The following PHF24 variants were observed in gnomAD, a reference collection of about 807,000 sequenced individuals.
PHF24 encodes Galpha inhibitory interacting protein.
Under a neutral mutation model 42.6 loss-of-function variants are expected in PHF24, and 25 were observed. The ratio of observed to expected loss-of-function variants is 0.59; its 90% CI spans 0.43 to 0.82. PHF24 has a LOEUF of 0.82. Among genes scored for constraint, PHF24 ranks in the 40% least tolerant of loss-of-function variants. PHF24 has a pLI of 0.00. For missense variants in PHF24, 470 were observed against 538.1 expected, an observed-to-expected ratio of 0.87 and a Z score of 1.25; for synonymous variants, 185 against 204.8, an observed-to-expected ratio of 0.90 and a Z score of 0.83.
chr9:34,876,459 A>G, the PHF24 span, among the ~76,000 whole-genome samples: 1 of 152,172 alleles, frequency 6.6e-6, no homozygotes, highest in Non-Finnish European at 1.5e-5. Flanking sequence ...AACTATGGAG[A>G]CAGTAAAAAG....
At chr9:34,856,294 C>T in the PHF24 span, among the ~76,000 whole-genome samples, 18 of 152,200 alleles carry the variant, frequency 1.2e-4, no homozygotes, top group Non-Finnish European at 2.5e-4. Flanking sequence ...TTCTCAGCCT[C>T]AGCCTAGTTC....
chr9:34,852,752 A>G, the PHF24 span, among the ~76,000 whole-genome samples: 1 of 152,012 alleles, frequency 6.6e-6, no homozygotes, highest in Non-Finnish European at 1.5e-5. Context: ...TTTTGTATGT[A>G]CTTGTTTAGA....
chr9:34,713,739 A>C, the PHF24 span, among the ~76,000 whole-genome samples: 8 of 152,118 alleles, frequency 5.3e-5, no homozygotes, highest in East Asian at 9.6e-4. Context: ...ATAACTTAGA[A>C]TCTATATTTA....
chr9:34,902,509 C>T, the PHF24 span, among the ~76,000 whole-genome samples: 3 of 151,970 alleles, frequency 2.0e-5, no homozygotes, highest in Non-Finnish European at 4.4e-5. Flanking sequence ...ATTAGCCAGA[C>T]GTGGTGGCAT....
chr9:34,741,714 G>A, the PHF24 span, among the ~76,000 whole-genome samples: 1 of 152,190 alleles, frequency 6.6e-6, no homozygotes, highest in African/African-American at 2.4e-5. Flanking sequence ...GCCAAGTGAC[G>A]GCTGGGCTGG....
chr9:34,909,135 C>CT, the PHF24 span, among the ~76,000 whole-genome samples: 1 of 151,970 alleles, frequency 6.6e-6, no homozygotes, highest in Non-Finnish European at 1.5e-5. Flanking sequence ...GGTGAGCCAC[C>CT]ATGCCCGGCC....
chr9:34,913,702 C>T, the PHF24 span, among the ~76,000 whole-genome samples: 4 of 152,140 alleles, frequency 2.6e-5, no homozygotes, highest in Non-Finnish European at 4.4e-5. Context: ...GTAGAAAAGA[C>T]TCCTCCAATC....
chr9:34,830,178 C>T, the PHF24 span, among the ~76,000 whole-genome samples: 1 of 152,204 alleles, frequency 6.6e-6, no homozygotes, highest in Non-Finnish European at 1.5e-5. Flanking sequence ...ACATTCCATT[C>T]TTGTGACTTT....
intron 1 of PHF24, among the ~76,000 whole-genome samples, chr9:34,963,506 G>T (rs1826667022): frequency 6.6e-6 from 1 of 152,148 alleles, no homozygotes; most frequent in African/African-American, 2.4e-5. Flanking sequence ...TCACTTGTAT[G>T]TGCAGATACT....
At chr9:34,878,059 T>A in the PHF24 span, among the ~76,000 whole-genome samples, 1 of 152,148 alleles carries the variant, frequency 6.6e-6, no homozygotes, top group African/African-American at 2.4e-5. Context: ...CAGGCTTTAG[T>A]TAATAATAAT....
chr9:34,950,640 T>C, the PHF24 span, among the ~76,000 whole-genome samples: 1 of 152,148 alleles, frequency 6.6e-6, no homozygotes, highest in Non-Finnish European at 1.5e-5. Context: ...ACACTGTGAA[T>C]GTATTAAAAA....
the PHF24 span, among the ~76,000 whole-genome samples, chr9:34,842,794 A>G: frequency 6.6e-6 from 1 of 152,134 alleles, no homozygotes; most frequent in Non-Finnish European, 1.5e-5. Flanking sequence ...ATTTTTTTTA[A>G]TTTCCAAACT....
chr9:34,730,306 A>C, the PHF24 span, among the ~76,000 whole-genome samples: 1 of 152,192 alleles, frequency 6.6e-6, no homozygotes, highest in South Asian at 2.1e-4. Context: ...TTACTTCCAT[A>C]GCCAGACTAT....
the PHF24 span, among the ~76,000 whole-genome samples, chr9:34,878,904 C>T: frequency 6.6e-6 from 1 of 152,210 alleles, no homozygotes; most frequent in East Asian, 1.9e-4. Flanking sequence ...TGAAAACAGA[C>T]AGACTGCCTC....
chr9:34,898,032 C>G, the PHF24 span, among the ~76,000 whole-genome samples: 2 of 151,992 alleles, frequency 1.3e-5, no homozygotes, highest in African/African-American at 2.4e-5. Flanking sequence ...GAGTAGTATT[C>G]CATCATATAT....
At chr9:34,669,480 G>C in the PHF24 span, among the ~76,000 whole-genome samples, 1 of 151,992 alleles carries the variant, frequency 6.6e-6, no homozygotes, top group Non-Finnish European at 1.5e-5. Context: ...GAGAGTCCCT[G>C]GGAGCAGCAG....
At chr9:34,943,814 A>G in the PHF24 span, among the ~76,000 whole-genome samples, 1 of 152,194 alleles carries the variant, frequency 6.6e-6, no homozygotes, top group Non-Finnish European at 1.5e-5. Context: ...CCTCTATTAC[A>G]TTGAAGCTCA....
the PHF24 span, among the ~76,000 whole-genome samples, chr9:34,891,411 T>C: frequency 6.6e-6 from 1 of 152,180 alleles, no homozygotes; most frequent in Non-Finnish European, 1.5e-5. Context: ...CTCTGCAACA[T>C]TACCTTGGCC....
At chr9:34,972,503 C>G (rs779557604) in exon 3 of PHF24, 2 of 1,612,712 alleles carry the variant, frequency 1.2e-6, no homozygotes, top group South Asian at 2.2e-5. Flanking sequence ...ATGGCCCACA[C>G]AGAAACAGGC....
Sources: gnomAD v4.1 joint callset for allele counts (sites outside exome capture counted in the v4.1 genomes callset) on GRCh38, gnomAD v4.1.1 for gene constraint, MANE v1.5 for transcripts, NCBI Gene and HGNC (gene_info 2026-07-23, HGNC 2026-07-21) for gene names.